FAF1: variants seen among roughly 807,000 people sequenced by gnomAD.
FAF1 encodes the protein Fas associated factor 1.
Under a neutral mutation model 92.5 loss-of-function variants are expected in FAF1, and 25 were observed. The observed-to-expected ratio is 0.27, with a 90% confidence interval of 0.20 to 0.38. The LOEUF is 0.38. Among genes scored for constraint, FAF1 ranks in the 10% least tolerant of loss-of-function variants. The probability of loss-of-function intolerance (pLI) is 1.00; values close to 1 mark genes in which losing one functional copy is unlikely to be tolerated. For synonymous variants in FAF1, 234 were observed against 273.2 expected, an observed-to-expected ratio of 0.86 and a Z score of 1.42; for missense variants, 636 against 793.3, an observed-to-expected ratio of 0.80 and a Z score of 2.38.
At chr1:50,727,750 G>A (rs542974384) in intron 6 of FAF1, among the ~76,000 whole-genome samples, 2 of 152,268 alleles carry the variant, frequency 1.3e-5, no homozygotes, top group East Asian at 1.9e-4. Flanking sequence ...CCCTCAATCT[G>A]GGTGGGTATT....
intron 6 of FAF1, among the ~76,000 whole-genome samples, chr1:50,729,188 C>T (rs1292399628): frequency 1.3e-5 from 2 of 150,692 alleles, no homozygotes; most frequent in African/African-American, 4.9e-5. Context: ...CCCAAATAGC[C>T]GGGATAACAG....
At chr1:50,813,976 T>C (rs1643941769) in intron 2 of FAF1, among the ~76,000 whole-genome samples, 1 of 152,140 alleles carries the variant, frequency 6.6e-6, no homozygotes, top group Non-Finnish European at 1.5e-5. Context: ...ACCATATATA[T>C]ATACTATGTT....
intron 4 of FAF1, among the ~76,000 whole-genome samples, chr1:50,777,002 C>G (rs12084257): frequency 0.48 from 73,403 of 151,870 alleles, 19,675 homozygotes; most frequent in African/African-American, 0.71. Flanking sequence ...GCTCATACCT[C>G]TAATCCTAGC....
At chr1:50,704,280 G>A (rs193136003) in intron 7 of FAF1, among the ~76,000 whole-genome samples, 5 of 152,064 alleles carry the variant, frequency 3.3e-5, no homozygotes, top group African/African-American at 1.2e-4. Context: ...AACTAGGGGT[G>A]GGGGTTGAGA....
intron 1 of FAF1, among the ~76,000 whole-genome samples, chr1:50,945,377 C>G (rs548135600): frequency 6.9e-4 from 105 of 152,286 alleles, no homozygotes; most frequent in African/African-American, 2.3e-3. Context: ...CCAATGTATT[C>G]AATCTGCCAG....
chr1:50,688,485 A>G (rs1396531073), intron 7 of FAF1, among the ~76,000 whole-genome samples: 1 of 152,204 alleles, frequency 6.6e-6, no homozygotes, highest in Non-Finnish European at 1.5e-5. Flanking sequence ...TGTGGTACTT[A>G]CATACAATGG....
chr1:50,466,477 T>G (rs1646497462), intron 18 of FAF1, among the ~76,000 whole-genome samples: 1 of 152,182 alleles, frequency 6.6e-6, no homozygotes, highest in South Asian at 2.1e-4. Context: ...GAATTTAGAC[T>G]GGATATATAT....
chr1:50,680,810 T>C (rs1213489342), intron 7 of FAF1, among the ~76,000 whole-genome samples: 1 of 152,020 alleles, frequency 6.6e-6, no homozygotes, highest in Admixed American at 6.6e-5. Flanking sequence ...TTCTGACAAA[T>C]GGTCAGAATT....
At chr1:50,662,179 A>G (rs910902420) in intron 7 of FAF1, among the ~76,000 whole-genome samples, 1 of 152,206 alleles carries the variant, frequency 6.6e-6, no homozygotes, top group Non-Finnish European at 1.5e-5. Flanking sequence ...CAGTAACTGG[A>G]GACATTTCTT....
intron 2 of FAF1, among the ~76,000 whole-genome samples, chr1:50,825,183 T>C (rs899497622): frequency 6.6e-6 from 1 of 152,100 alleles, no homozygotes; most frequent in Non-Finnish European, 1.5e-5. Flanking sequence ...CATTACACAC[T>C]GTACACACGT....
chr1:50,742,528 T>C (rs1659430396), intron 5 of FAF1, among the ~76,000 whole-genome samples: 1 of 151,978 alleles, frequency 6.6e-6, no homozygotes, highest in Non-Finnish European at 1.5e-5. Flanking sequence ...GGAATACAGG[T>C]GTGCACCACC....
chr1:50,959,518 A>G (rs1006924743), intron 1 of FAF1, among the ~76,000 whole-genome samples: 4 of 152,060 alleles, frequency 2.6e-5, no homozygotes, highest in African/African-American at 9.7e-5. Context: ...TTCCACACAC[A>G]TTGTAACCCA....
intron 6 of FAF1, among the ~76,000 whole-genome samples, chr1:50,712,305 T>C (rs1281030374): frequency 6.6e-6 from 1 of 152,188 alleles, no homozygotes; most frequent in Non-Finnish European, 1.5e-5. Flanking sequence ...GTGAACTGCT[T>C]AAGTTTTGTT....
chr1:50,764,647 T>TA (rs1660493988), intron 4 of FAF1, among the ~76,000 whole-genome samples: 1 of 152,212 alleles, frequency 6.6e-6, no homozygotes, highest in Non-Finnish European at 1.5e-5. Flanking sequence ...CTACGCTGCC[T>TA]AATGCCCAAT....
At chr1:50,455,548 C>T (rs546470491) in intron 18 of FAF1, among the ~76,000 whole-genome samples, 1 of 152,284 alleles carries the variant, frequency 6.6e-6, no homozygotes, top group Non-Finnish European at 1.5e-5. Context: ...TGGTTTTGTT[C>T]TAGTTTTCGG....
At chr1:50,655,291 G>C in intron 8 of FAF1, 151 bp downstream of exon 8, 2 of 654,038 alleles carry the variant, frequency 3.1e-6, no homozygotes, top group Non-Finnish European at 5.5e-6. Flanking sequence ...CAAAGTGCTG[G>C]GATTACAGGC....
At chr1:50,487,038 A>T (rs1646777286) in intron 17 of FAF1, among the ~76,000 whole-genome samples, 1 of 152,206 alleles carries the variant, frequency 6.6e-6, no homozygotes, top group African/African-American at 2.4e-5. Context: ...AATTACATTT[A>T]AAAAGTTTTA....
intron 1 of FAF1, among the ~76,000 whole-genome samples, chr1:50,929,132 CT>C (rs1182021445): frequency 6.8e-6 from 1 of 146,066 alleles, no homozygotes; most frequent in Non-Finnish European, 1.5e-5. Flanking sequence ...CAAAATGATT[CT>C]TTTTTTAATC....
chr1:50,790,969 T>C (rs1163662628), intron 3 of FAF1, among the ~76,000 whole-genome samples: 2 of 152,160 alleles, frequency 1.3e-5, no homozygotes, highest in Non-Finnish European at 2.9e-5. Flanking sequence ...TTTTATTCTG[T>C]TACATAGATG....
Sources: allele counts gnomAD v4.1 joint callset (sites outside exome capture counted in the v4.1 genomes callset), GRCh38; gene constraint gnomAD v4.1.1; transcripts MANE v1.5; gene names NCBI Gene and HGNC (gene_info 2026-07-23, HGNC 2026-07-21).